The following BAIAP2L1 variants were observed in gnomAD, a reference collection of about 807,000 sequenced individuals.
The protein encoded by BAIAP2L1 is BAR/IMD domain-containing adapter protein 2-like 1.
A neutral mutation model predicts 66.3 loss-of-function variants in BAIAP2L1; 35 were observed. The observed-to-expected ratio is 0.53, with a 90% CI of 0.40 to 0.70. The LOEUF is 0.70. Among genes scored for constraint, BAIAP2L1 ranks in the 30% least tolerant of loss-of-function variants. BAIAP2L1 has a pLI of 0.00. For synonymous variants in BAIAP2L1, 269 were observed against 248.7 expected (o/e 1.08, Z -0.77); for missense variants, 622 against 656.9 (o/e 0.95, Z 0.58).
At chr7:98,367,515 C>T (rs915080303) in intron 1 of BAIAP2L1, among the ~76,000 whole-genome samples, 6 of 148,516 alleles carry the variant, frequency 4.0e-5, no homozygotes, top group African/African-American at 4.9e-5. Flanking sequence ...GGATTATAGG[C>T]GCGCACCACC....
At chr7:98,315,375 C>T (rs546496565) in intron 7 of BAIAP2L1, 85 bp downstream of exon 7, 22 of 1,243,492 alleles carry the variant, frequency 1.8e-5, no homozygotes, top group South Asian at 3.1e-5. Context: ...GGATTACAGG[C>T]GTGGGCCACG....
chr7:98,360,334 C>T (rs546803143), intron 2 of BAIAP2L1, among the ~76,000 whole-genome samples: 11 of 152,274 alleles, frequency 7.2e-5, no homozygotes, highest in South Asian at 6.2e-4. Flanking sequence ...CGAGCCACCA[C>T]GCCCAGCCTG....
At chr7:98,365,606 G>C (rs553374965) in intron 1 of BAIAP2L1, among the ~76,000 whole-genome samples, 1 of 152,012 alleles carries the variant, frequency 6.6e-6, no homozygotes, top group Non-Finnish European at 1.5e-5. Context: ...AAGTAGCTGC[G>C]GGGGGTGGAT....
rs1479893201 is a variant in BAIAP2L1, at chr7:98,369,669, T to C, written c.52-7237A>G. Reference sequence around the variant, plus strand: ...AGTCTCATTTGATTTCCTAATTTTTTTTTTTTTTTTTTTTTTTTTTGAGCT... The same window carrying C: ...AGTCTCATTTGATTTCCTAATTTTTCTTTTTTTTTTTTTTTTTTTTGAGCT... On this transcript the variant is annotated intron_variant, in intron 1 of 13. Transcript: ENST00000005260. Among the ~76,000 whole-genome samples, 20 of 130,758 alleles carry C rather than the reference T, an allele frequency of 1.5e-4. 2 individuals carry two copies. The highest frequency in any genetic ancestry group is 1.2e-4 in the Non-Finnish European group (7 of 59,768). The allele number at this position is 130,758 out of a possible 152,430, so 85.8% of individuals were successfully genotyped here.
rs72444648 is a variant in BAIAP2L1, at chr7:98,354,012, TA to T, written c.214+1029del. On this transcript the variant is annotated intron_variant, in intron 3 of 13. Coordinates refer to ENST00000005260, the MANE Select transcript of BAIAP2L1 (RefSeq NM_018842.5). ...AATAAAATAAAATAAAATAAAAAAT[TA>T]AAAAATACATAGATCGCTTTCTCGC... 4.9e-3 allele frequency among the ~76,000 whole-genome samples: 733 copies of T among 149,514 alleles called. 5 individuals are homozygous for T. Among genetic ancestry groups the T allele is most frequent in the African/African-American group, 0.017 (683 of 40,182 alleles).
rs77734478 is a variant in BAIAP2L1, at chr7:98,292,540, G to A, written c.*981C>T. The A allele has an allele frequency of 3.8e-3, 4,460 of 1,171,472 alleles. 98 individuals carry two copies. In the Admixed American group the frequency reaches 0.047, roughly 12 times the overall value. The allele number at this position is 1,171,472 out of a possible 1,614,324, so 72.6% of individuals were successfully genotyped here. On this transcript the variant is annotated 3_prime_UTR_variant, in exon 14 of 14. Coordinates refer to ENST00000005260, the MANE Select transcript of BAIAP2L1 (RefSeq NM_018842.5). Reference sequence around the variant, plus strand: ...GCAGCCAAAGATGATTTCCAGCCCCGGGCTCAGGGCAGCCAGTGCGTAGTC... The same window carrying A: ...GCAGCCAAAGATGATTTCCAGCCCCAGGCTCAGGGCAGCCAGTGCGTAGTC...
At position 98,293,528 on chromosome 7, in the gene BAIAP2L1, A is replaced by T; in HGVS notation, c.1529T>A (p.Ile510Asn). 6.2e-7 allele frequency: 1 copy of T among 1,613,406 alleles called. No homozygotes were observed. Among genetic ancestry groups the T allele is most frequent in the Non-Finnish European group, 8.5e-7 (1 of 1,179,734 alleles). The change falls in exon 14 of 14, where the codon ATT becomes AAT. Residue 510 changes from isoleucine to asparagine, a missense_variant. Physicochemically the swap from Ile to Asn is moderately radical, Grantham distance 149 (BLOSUM62 -3). Transcript: ENST00000005260. ...TVTNDRSAPI[I>N]R ...GAGTCCTTGGCTGTCCTCTCATCGA[A>T]TGATGGGTGCCGAGCGATCATTCGT...
chr7:98,293,949 G>A (rs1800075507), intron 13 of BAIAP2L1, 125 bp downstream of exon 13: 1 of 1,130,100 alleles, frequency 8.8e-7, no homozygotes, highest in South Asian at 1.4e-5. Flanking sequence ...ACTCCCCCAT[G>A]GCTCCACAGG....
chr7:98,382,448 C>A (rs1802781123), intron 1 of BAIAP2L1, among the ~76,000 whole-genome samples: 1 of 151,944 alleles, frequency 6.6e-6, no homozygotes, highest in Non-Finnish European at 1.5e-5. Flanking sequence ...GAGTTTGAAA[C>A]CAGCCTAAGC....
At chr7:98,341,477 G>C (rs1359887013) in intron 3 of BAIAP2L1, among the ~76,000 whole-genome samples, 3 of 152,094 alleles carry the variant, frequency 2.0e-5, no homozygotes, top group African/African-American at 7.2e-5. Flanking sequence ...CAGCCCAGGA[G>C]TTCGAGACCA....
At chr7:98,317,424 C>T (rs779365770) in intron 5 of BAIAP2L1, 68 bp from the exon 6 acceptor site, 12 of 1,582,230 alleles carry the variant, frequency 7.6e-6, no homozygotes, top group Non-Finnish European at 1.0e-5. Context: ...TTTGCCTTTA[C>T]TCACACTTCC....
intron 3 of BAIAP2L1, among the ~76,000 whole-genome samples, chr7:98,353,482 CATTATAAATACACATATATTTAT>C (rs531651623): frequency 0.015 from 1,943 of 130,978 alleles, 59 homozygotes; most frequent in African/African-American, 0.054. Context: ...TACATATTTA[CATTATAAATACACATATATTTAT>C]ATTATAAATA....
At chr7:98,316,040 G>C (rs748358710) in intron 6 of BAIAP2L1, among the ~76,000 whole-genome samples, 1 of 152,168 alleles carries the variant, frequency 6.6e-6, no homozygotes, top group Non-Finnish European at 1.5e-5. Context: ...CTATGTGTTT[G>C]GGGAGGGACC....
At chr7:98,359,461 C>T (rs1231644064) in intron 2 of BAIAP2L1, among the ~76,000 whole-genome samples, 1 of 152,070 alleles carries the variant, frequency 6.6e-6, no homozygotes, top group Non-Finnish European at 1.5e-5. Flanking sequence ...TTAGCAGAGA[C>T]GGGGTTTCAC....
In BAIAP2L1 at chr7:98,315,577, G is replaced by T. The variant is rs372931404; in HGVS notation, c.522C>A (p.Ile174=). 2.8e-5 allele frequency: 42 copies of T among 1,476,020 alleles called. No individual in the cohort carries two copies. The East Asian group carries it at 6.8e-4, about 24-fold the overall frequency. 91.4% of individuals were successfully genotyped at this position (1,476,020 alleles called of 1,614,324 possible). A position where few individuals can be genotyped will look rare whatever the true frequency, so the allele number is the denominator to read the frequency against. Residue 174 remains isoleucine, a synonymous_variant, in exon 7 of 14, where the codon ATC becomes ATA. Coordinates refer to ENST00000005260, the MANE Select transcript of BAIAP2L1 (RefSeq NM_018842.5). ...TGCAACCATCTGCAATGAATTTCTG[G>T]ATTTCACTCTGACGAGAAGTAACGG... ...VETVTSRQSE[I]QKFIADGCKE...
intron 3 of BAIAP2L1, among the ~76,000 whole-genome samples, chr7:98,326,857 G>A (rs186942899): frequency 2.5e-4 from 37 of 150,222 alleles, no homozygotes; most frequent in Admixed American, 1.9e-3. Context: ...CCCACAAATT[G>A]CTTACTAGTC....
Position 98,355,099 on chromosome 7 carries a change from CGTA to C in BAIAP2L1, c.154_156del (p.Tyr52del). 6.2e-7 allele frequency: 1 copy of C among 1,613,816 alleles called. No individual in the cohort carries two copies. Among genetic ancestry groups the C allele is most frequent in the South Asian group, 1.1e-5 (1 of 91,046 alleles). On this transcript the variant is annotated inframe_deletion, in exon 3 of 14. Coordinates refer to ENST00000005260, the MANE Select transcript of BAIAP2L1 (RefSeq NM_018842.5). ...ATCTCACCGATCTTGGCCACTCCAT[CGTA>C]GTAGGCTTTTCCTGCCAGGATCATA...
intron 1 of BAIAP2L1, among the ~76,000 whole-genome samples, chr7:98,366,391 G>A (rs984121086): frequency 5.9e-5 from 9 of 152,192 alleles, no homozygotes; most frequent in East Asian, 1.9e-4. Context: ...ACCAGACTCC[G>A]ATTCCTGCCC....
rs913291013 is a variant in BAIAP2L1, at chr7:98,384,723, A to C, written c.51+16079T>G. 2.8e-5 allele frequency among the ~76,000 whole-genome samples: 3 copies of C among 105,936 alleles called. No homozygotes were observed. The Admixed American group carries it at 4.3e-4, about 15-fold the overall frequency. 69.5% of individuals were successfully genotyped at this position (105,936 alleles called of 152,430 possible). A position where few individuals can be genotyped will look rare whatever the true frequency, so the allele number is the denominator to read the frequency against. On this transcript the variant is annotated intron_variant, in intron 1 of 13. Transcript: ENST00000005260. ...TTTTTTTTTTTTTTTTGTGAGATGG[A>C]GTCTCGCTCTGTTGCCCAGGCTGGA...
Sources: gnomAD v4.1 joint callset for allele counts (sites outside exome capture counted in the v4.1 genomes callset) on GRCh38, gnomAD v4.1.1 for gene constraint, MANE v1.5 for transcripts, NCBI Gene and HGNC (gene_info 2026-07-23, HGNC 2026-07-21) for gene names.